GRIA3: variants seen among roughly 807,000 people sequenced by gnomAD.
GRIA3 encodes glutamate ionotropic receptor AMPA type subunit 3.
A neutral mutation model predicts 63.0 loss-of-function variants in GRIA3; 3 were observed. That is an observed-to-expected ratio of 0.05 (90% CI 0.02 to 0.12). GRIA3 has a LOEUF of 0.12. Ranked by LOEUF, GRIA3 falls within the 10% of genes least tolerant of loss-of-function variation. The probability of loss-of-function intolerance (pLI) is 1.00; values close to 1 mark genes in which losing one functional copy is unlikely to be tolerated. For missense variants in GRIA3, 347 were observed against 700.9 expected (o/e 0.50, Z 5.70); for synonymous variants, 274 against 257.9 (o/e 1.06, Z -0.60).
At chrX:123,418,391 A>T (rs1374502150) in intron 11 of GRIA3, among the ~76,000 whole-genome samples, 1 of 111,955 alleles carries the variant, frequency 8.9e-6, no homozygotes, top group Non-Finnish European at 1.9e-5. Context: ...AGCACAATCC[A>T]TTAAAAATTT....
intron 11 of GRIA3, among the ~76,000 whole-genome samples, chrX:123,422,331 T>C (rs1302995816): frequency 8.9e-6 from 1 of 112,521 alleles, no homozygotes; most frequent in Admixed American, 9.4e-5. Context: ...AATATTAGGT[T>C]TGAACTACCA....
At chrX:123,445,527 T>C in intron 12 of GRIA3, among the ~76,000 whole-genome samples, 1 of 112,063 alleles carries the variant, frequency 8.9e-6, no homozygotes, top group Non-Finnish European at 1.9e-5. Context: ...GTTTGTTTTG[T>C]CTTCCAGGCA....
intron 5 of GRIA3, among the ~76,000 whole-genome samples, chrX:123,384,486 G>A (rs1377234312): frequency 2.7e-5 from 3 of 111,633 alleles, no homozygotes; most frequent in East Asian, 2.8e-4. Flanking sequence ...TTAGCCGGGC[G>A]TGGTGACACA....
At chrX:123,230,360 T>G (rs1417802119) in intron 2 of GRIA3, among the ~76,000 whole-genome samples, 1 of 112,079 alleles carries the variant, frequency 8.9e-6, no homozygotes, top group Non-Finnish European at 1.9e-5. Flanking sequence ...GACCTTGGCC[T>G]TAGTTAATAC....
chrX:123,287,326 C>T (rs931148494), intron 3 of GRIA3, among the ~76,000 whole-genome samples: 2 of 111,875 alleles, frequency 1.8e-5, no homozygotes, highest in Admixed American at 9.5e-5. Flanking sequence ...TGGGCAAAAG[C>T]TGGAAGCATT....
chrX:123,471,867 G>A (rs1472121157), intron 13 of GRIA3, among the ~76,000 whole-genome samples: 1 of 104,053 alleles, frequency 9.6e-6, no homozygotes. Flanking sequence ...GGCACATGAG[G>A]CTGATCCCCA....
chrX:123,479,476 G>A (rs2045902505), intron 13 of GRIA3, among the ~76,000 whole-genome samples: 1 of 112,166 alleles, frequency 8.9e-6, no homozygotes, highest in Non-Finnish European at 1.9e-5. Context: ...ACATGTACGT[G>A]GTACAGTTCT....
At chrX:123,484,636 A>G (rs773996345) in intron 15 of GRIA3, among the ~76,000 whole-genome samples, 64 of 111,473 alleles carry the variant, frequency 5.7e-4, no homozygotes, top group Middle Eastern at 4.6e-3. Flanking sequence ...ACTTGCCACC[A>G]TGCCCAGCTA....
intron 2 of GRIA3, among the ~76,000 whole-genome samples, chrX:123,206,483 T>C (rs1418049649): frequency 8.9e-6 from 1 of 112,343 alleles, no homozygotes; most frequent in Non-Finnish European, 1.9e-5. Context: ...TCTGCTGTTC[T>C]AAATCAAAAT....
chrX:123,185,251 A>G (rs1412714223), intron 1 of GRIA3, among the ~76,000 whole-genome samples: 1 of 111,354 alleles, frequency 9.0e-6, no homozygotes, highest in African/African-American at 3.3e-5. Context: ...GCAGACCACG[A>G]ATTCATGAAT....
chrX:123,308,953 C>T (rs1023441718), intron 3 of GRIA3, among the ~76,000 whole-genome samples: 11 of 112,569 alleles, frequency 9.8e-5, no homozygotes, highest in African/African-American at 3.2e-4. Flanking sequence ...GCCTTTTGCG[C>T]TATTTACCTC....
chrX:123,456,800 C>G (rs1404595881), intron 12 of GRIA3, among the ~76,000 whole-genome samples: 1 of 111,418 alleles, frequency 9.0e-6, no homozygotes, highest in South Asian at 3.8e-4. Context: ...TTCTGTGAGG[C>G]AACATTTGCT....
At chrX:123,480,504 C>T (rs989544537) in intron 14 of GRIA3, among the ~76,000 whole-genome samples, 5 of 111,619 alleles carry the variant, frequency 4.5e-5, no homozygotes, top group Non-Finnish European at 9.4e-5. Flanking sequence ...AATATAATAA[C>T]AATAACAACA....
intron 2 of GRIA3, among the ~76,000 whole-genome samples, chrX:123,220,612 T>C (rs1205590635): frequency 3.6e-5 from 4 of 111,821 alleles, no homozygotes; most frequent in Non-Finnish European, 7.5e-5. Flanking sequence ...ATAAATGGAT[T>C]CCTCCTTGTG....
At chrX:123,421,885 C>A (rs1361041314) in intron 11 of GRIA3, among the ~76,000 whole-genome samples, 3 of 112,146 alleles carry the variant, frequency 2.7e-5, no homozygotes, top group Non-Finnish European at 5.6e-5. Flanking sequence ...TGAGTACAAA[C>A]CAAGCTCCAA....
intron 10 of GRIA3, 43 bp from the exon 11 acceptor site, chrX:123,417,359 C>T (rs748253839): frequency 9.1e-7 from 1 of 1,097,787 alleles, no homozygotes; most frequent in South Asian, 1.9e-5. Context: ...TAAAGACTGT[C>T]TCTAAAAGTC....
rs570647279 is a variant in GRIA3, at chrX:123,357,331, G to A, written c.750+2368G>A. 4.5e-5 allele frequency among the ~76,000 whole-genome samples: 5 copies of A among 109,959 alleles called. No homozygotes were observed. The East Asian group carries it at 1.4e-3, about 31-fold the overall frequency. On this transcript the variant is annotated intron_variant, in intron 5 of 15. Coordinates refer to ENST00000620443, the MANE Select transcript of GRIA3 (RefSeq NM_007325.5). ...AGCGATCTGAGCCGTGCATAAGAAT[G>A]GCTATCTCATTTGGCCTACCATGAC...
intron 10 of GRIA3, among the ~76,000 whole-genome samples, chrX:123,409,669 G>A (rs894957492): frequency 8.9e-6 from 1 of 111,767 alleles, no homozygotes; most frequent in African/African-American, 3.3e-5. Context: ...TGTTTTGAGG[G>A]CACTTAAAAA....
chrX:123,486,120 G>A (rs2045940162), intron 15 of GRIA3, among the ~76,000 whole-genome samples: 1 of 84,204 alleles, frequency 1.2e-5, no homozygotes, highest in South Asian at 8.8e-4. Flanking sequence ...GGAAAAGAAA[G>A]AAAGAGGGAA....
Sources: gnomAD v4.1 joint callset for allele counts (sites outside exome capture counted in the v4.1 genomes callset) on GRCh38, gnomAD v4.1.1 for gene constraint, MANE v1.5 for transcripts, NCBI Gene and HGNC (gene_info 2026-07-23, HGNC 2026-07-21) for gene names.